The following GPHN variants were observed in gnomAD, a reference collection of about 807,000 sequenced individuals.
The protein encoded by GPHN is gephyrin.
In GPHN, 17 loss-of-function variants were observed where a neutral mutation model predicts 95.5. The observed-to-expected ratio is 0.18, with a 90% CI of 0.12 to 0.27. The LOEUF (loss-of-function observed/expected upper bound fraction) is 0.27, where lower values mean the gene tolerates loss of function less well. Ranked by LOEUF, GPHN falls within the 10% of genes least tolerant of loss-of-function variation. The probability of loss-of-function intolerance (pLI) is 1.00; values close to 1 mark genes in which losing one functional copy is unlikely to be tolerated. For synonymous variants in GPHN, 320 were observed against 322.5 expected (o/e 0.99, Z 0.08); for missense variants, 660 against 978.1 (o/e 0.67, Z 4.34).
Position 66,952,511 on chromosome 14 carries a change from G to C in GPHN, c.829-12680G>C, listed in dbSNP as rs138697409. Among the ~76,000 whole-genome samples, 588 of 152,032 alleles carry C rather than the reference G, an allele frequency of 3.9e-3. 5 individuals carry two copies. The highest frequency in any genetic ancestry group is 0.014 in the African/African-American group (565 of 41,456). On this transcript the variant is annotated intron_variant, in intron 8 of 22. Transcript: ENST00000478722. ...TGCACATTCATGTATGTTTTTATTT[G>C]AACACCTGTTTTCAGTTCTCTTGAA...
the GPHN span, chr14:67,541,786 C>T: frequency 8.4e-6 from 11 of 1,312,484 alleles, 1 homozygote; most frequent in African/African-American, 1.3e-4. Context: ...CAGAACTCTT[C>T]CTCACACGCT....
At chr14:67,366,751 T>A in the GPHN span, among the ~76,000 whole-genome samples, 5 of 151,948 alleles carry the variant, frequency 3.3e-5, no homozygotes, top group Admixed American at 3.3e-4. Context: ...CCTGAACAAG[T>A]ATGAAAAATA....
At chr14:67,344,645 G>A in the GPHN span, among the ~76,000 whole-genome samples, 2 of 152,110 alleles carry the variant, frequency 1.3e-5, no homozygotes, top group Non-Finnish European at 2.9e-5. Flanking sequence ...TTGGGAGGCT[G>A]AGATGGCAGG....
the GPHN span, among the ~76,000 whole-genome samples, chr14:67,426,525 G>A: frequency 0.31 from 46,511 of 152,118 alleles, 7,290 homozygotes; most frequent in Middle Eastern, 0.4. Context: ...ACTGTGAAAT[G>A]GTAGGCTGCC....
At chr14:67,100,223 C>T (rs774697715) in intron 12 of GPHN, among the ~76,000 whole-genome samples, 1 of 152,114 alleles carries the variant, frequency 6.6e-6, no homozygotes, top group Non-Finnish European at 1.5e-5. Flanking sequence ...AGTCCTAGCT[C>T]TACCATTAAC....
chr14:67,365,931 A>G, the GPHN span, among the ~76,000 whole-genome samples: 7 of 152,182 alleles, frequency 4.6e-5, no homozygotes, highest in Non-Finnish European at 8.8e-5. Context: ...AGTGACTGCT[A>G]CTTAGCACAT....
chr14:67,182,647 C>A (rs538277523), downstream of GPHN, among the ~76,000 whole-genome samples: 1 of 152,128 alleles, frequency 6.6e-6, no homozygotes, highest in East Asian at 1.9e-4. Context: ...TATTTACAAA[C>A]ATGAATAGGG....
chr14:67,110,951 A>G (rs962060916), intron 14 of GPHN, among the ~76,000 whole-genome samples: 7 of 152,230 alleles, frequency 4.6e-5, no homozygotes, highest in African/African-American at 1.4e-4. Flanking sequence ...TATTGAAACC[A>G]GAGTATAAGC....
At chr14:67,048,501 A>C (rs1273788746) in intron 10 of GPHN, among the ~76,000 whole-genome samples, 1 of 152,238 alleles carries the variant, frequency 6.6e-6, no homozygotes, top group Non-Finnish European at 1.5e-5. Context: ...TCTACTTAAG[A>C]AAAGTAAACC....
chr14:67,258,642 G>A, the GPHN span, among the ~76,000 whole-genome samples: 1 of 152,100 alleles, frequency 6.6e-6, no homozygotes, highest in Non-Finnish European at 1.5e-5. Flanking sequence ...GGCCGGTCTT[G>A]AACTCCTGGA....
chr14:66,865,528 C>A (rs912120722), intron 4 of GPHN, among the ~76,000 whole-genome samples: 1 of 152,106 alleles, frequency 6.6e-6, no homozygotes, highest in Non-Finnish European at 1.5e-5. Flanking sequence ...CAGGAGATAA[C>A]ATACTCTTCA....
chr14:67,376,004 T>A, the GPHN span, among the ~76,000 whole-genome samples: 1 of 152,186 alleles, frequency 6.6e-6, no homozygotes, highest in Non-Finnish European at 1.5e-5. Context: ...CCCTGTTAAT[T>A]TTAGGAGGTA....
chr14:67,167,984 G>A (rs576466485), intron 20 of GPHN, among the ~76,000 whole-genome samples: 1 of 152,364 alleles, frequency 6.6e-6, no homozygotes, highest in Admixed American at 6.5e-5. Flanking sequence ...GAGTGATATA[G>A]TGGAATTCCT....
the GPHN span, chr14:67,577,252 C>A: frequency 3.5e-6 from 4 of 1,146,312 alleles, no homozygotes; most frequent in South Asian, 2.6e-5. Context: ...GGAGATGAGT[C>A]CCCTCTCAGT....
the GPHN span, among the ~76,000 whole-genome samples, chr14:67,245,626 A>G: frequency 6.6e-6 from 1 of 152,114 alleles, no homozygotes; most frequent in African/African-American, 2.4e-5. Context: ...TGGTGGGATA[A>G]CACGCATGAG....
Position 66,824,634 on chromosome 14 carries a change from T to C in GPHN, c.294+68T>C, listed in dbSNP as rs1380913169. ...TCATGGTTTTTTTAATCCTTTTTAC[T>C]ATATTTATATTATTTTTATAACTTT... On this transcript the variant is annotated intron_variant, in intron 4 of 22. Transcript: ENST00000478722. 9 of 718,462 alleles carry C rather than the reference T, an allele frequency of 1.3e-5. No individual in the cohort carries two copies. The East Asian group carries it at 1.9e-4, about 15-fold the overall frequency. The allele number at this position is 718,462 out of a possible 1,614,324, so 44.5% of individuals were successfully genotyped here. A position where few individuals can be genotyped will look rare whatever the true frequency, so the allele number is the denominator to read the frequency against.
chr14:67,549,463 G>C, the GPHN span, among the ~76,000 whole-genome samples: 1 of 152,030 alleles, frequency 6.6e-6, no homozygotes, highest in South Asian at 2.1e-4. Flanking sequence ...TAGCGACGGG[G>C]TTTCACCATG....
the GPHN span, among the ~76,000 whole-genome samples, chr14:67,604,124 C>T: frequency 6.6e-6 from 1 of 152,176 alleles, no homozygotes; most frequent in African/African-American, 2.4e-5. Context: ...TCCCAAGTAG[C>T]TGGGATTACA....
the GPHN span, among the ~76,000 whole-genome samples, chr14:67,370,550 A>G: frequency 6.6e-6 from 1 of 152,240 alleles, no homozygotes; most frequent in Non-Finnish European, 1.5e-5. Context: ...TGCTACAGAC[A>G]TTAAAAGGCT....
Sources: gnomAD v4.1 joint callset for allele counts (sites outside exome capture counted in the v4.1 genomes callset) on GRCh38, gnomAD v4.1.1 for gene constraint, MANE v1.5 for transcripts, NCBI Gene and HGNC (gene_info 2026-07-23, HGNC 2026-07-21) for gene names.